FAM149B1: variants seen among roughly 807,000 people sequenced by gnomAD.
The protein encoded by FAM149B1 is family with sequence similarity 149 member B1, also known as primary cilium assembly protein FAM149B1.
FAM149B1 carries 56 observed loss-of-function variants against 75.3 expected under a neutral mutation model. The ratio of observed to expected loss-of-function variants is 0.74; its 90% CI spans 0.60 to 0.93. The LOEUF is 0.93. FAM149B1 is among the 40% of genes least tolerant of loss of function. FAM149B1 has a pLI of 0.00. For synonymous variants in FAM149B1, 259 were observed against 256.1 expected (o/e 1.01, Z -0.11); for missense variants, 639 against 708.4 (o/e 0.90, Z 1.11).
intron 7 of FAM149B1, among the ~76,000 whole-genome samples, chr10:73,215,195 A>G (rs890657887): frequency 2.0e-5 from 3 of 151,808 alleles, no homozygotes; most frequent in African/African-American, 4.8e-5. Context: ...GTATTTTTGT[A>G]TTTTTAGTAG....
chr10:73,232,878 G>A (rs562922322), intron 9 of FAM149B1, 61 bp from the exon 10 acceptor site: 17 of 1,028,042 alleles, frequency 1.7e-5, no homozygotes, highest in African/African-American at 1.3e-4. Flanking sequence ...TACCCCGTTA[G>A]TCTTGTCTTC....
rs551450685 is a variant in FAM149B1, at chr10:73,195,102, TATA to T, written c.542+1513_542+1515del. Among the ~76,000 whole-genome samples, 301 of 152,336 alleles carry T rather than the reference TATA, an allele frequency of 2.0e-3. 3 individuals carry two copies. Among genetic ancestry groups the T allele is most frequent in the African/African-American group, 6.8e-3 (284 of 41,576 alleles). On this transcript the variant is annotated intron_variant, in intron 5 of 13. Coordinates refer to ENST00000242505, the MANE Select transcript of FAM149B1 (RefSeq NM_173348.2). The stretch of plus-strand genomic sequence containing the variant: ...GCCTATACTTAAATCTACTGTAAAA[TATA>T]ATATCATAGTTTTAATTCATTTAAA...
rs766181381 is a variant in FAM149B1 at position 73,228,019 on chromosome 10, G to A, written c.899-41G>A. ...TTCACAATACTGTTGCTGTGGGCCA[G>A]AAGATTATCCATGGATAATATATCC... is the stretch of plus-strand genomic sequence containing the variant. On this transcript the variant is annotated intron_variant, in intron 7 of 13. Transcript: ENST00000242505. 3.9e-6 allele frequency: 6 copies of A among 1,540,272 alleles called. No individual in the cohort carries two copies. In the African/African-American group the frequency reaches 4.1e-5, roughly 11 times the overall value.
At position 73,235,201 on chromosome 10, in the gene FAM149B1, T is replaced by A. The variant is rs150205970; in HGVS notation, c.1485T>A (p.His495Gln). The A allele has an allele frequency of 8.4e-6, 13 of 1,551,682 alleles. No individual in the cohort carries two copies. The highest frequency in any genetic ancestry group is 1.1e-5 in the Non-Finnish European group (13 of 1,146,952). ...TTTTGTCTCCTCTGCAGAAACCCCA[T>A]GGCGACTCTAGTCGAGCTCAAAGTG... ...TVGPQRQMKP[H>Q]GDSSRAQSAV... is the part of the protein sequence containing the mutation. Residue 495 changes from histidine (H) to glutamine (Q), a missense_variant, in exon 12 of 14, where the codon CAT (histidine) becomes CAA (glutamine). Physicochemically the swap from His to Gln is conservative, Grantham distance 24. Coordinates refer to ENST00000242505, the MANE Select transcript of FAM149B1 (RefSeq NM_173348.2).
In FAM149B1 at chr10:73,181,596, T is replaced by C. The variant is rs147798236; in HGVS notation, c.282+3621T>C. Among the ~76,000 whole-genome samples the C allele has an allele frequency of 5.9e-5, 9 of 152,332 alleles. No individual in the cohort carries two copies. The East Asian group carries it at 1.7e-3, about 29-fold the overall frequency. ...TTATTAATTTCTAGTTTTGTTCCAT[T>C]GTGGTCAGAGAAGATGCTTGATATT... On this transcript the variant is annotated intron_variant, in intron 3 of 13. Transcript: ENST00000242505.
chr10:73,199,209 G>GTTC (rs1280368597), intron 5 of FAM149B1, among the ~76,000 whole-genome samples: 3 of 151,434 alleles, frequency 2.0e-5, no homozygotes, highest in Admixed American at 1.3e-4. Context: ...TGTTGTTGTT[G>GTTC]TTGTTGTTGT....
At chr10:73,228,266 T>C in intron 8 of FAM149B1, 82 bp downstream of exon 8, 1 of 1,178,058 alleles carries the variant, frequency 8.5e-7, no homozygotes, top group Non-Finnish European at 1.2e-6. Flanking sequence ...GCCTTACTTG[T>C]ATGATTTCTG....
intron 7 of FAM149B1, among the ~76,000 whole-genome samples, chr10:73,210,908 AC>A (rs2043174125): frequency 6.6e-6 from 1 of 152,158 alleles, no homozygotes; most frequent in Non-Finnish European, 1.5e-5. Flanking sequence ...ACTCTCACAT[AC>A]CACAACATGT....
chr10:73,216,045 G>A (rs959676970), intron 7 of FAM149B1, among the ~76,000 whole-genome samples: 3 of 152,012 alleles, frequency 2.0e-5, no homozygotes, highest in African/African-American at 7.3e-5. Context: ...TCTTTCTTTA[G>A]GTCTAATAAT....
chr10:73,232,856 T>G, intron 9 of FAM149B1, 83 bp from the exon 10 acceptor site: 1 of 819,288 alleles, frequency 1.2e-6, no homozygotes, highest in Non-Finnish European at 2.0e-6. Context: ...TAGTTTCTAG[T>G]CTAAGGCTTT....
chr10:73,228,683 C>T (rs903984889), intron 8 of FAM149B1, among the ~76,000 whole-genome samples: 24 of 152,056 alleles, frequency 1.6e-4, no homozygotes, highest in Admixed American at 3.3e-4. Flanking sequence ...CTGCAACCTC[C>T]GCCTCCCAGG....
intron 7 of FAM149B1, among the ~76,000 whole-genome samples, chr10:73,224,747 C>T (rs1031625084): frequency 7.2e-5 from 11 of 152,158 alleles, no homozygotes; most frequent in Non-Finnish European, 1.6e-4. Context: ...GCTGGGATCA[C>T]AGGTGTGAGC....
intron 5 of FAM149B1, chr10:73,200,844 C>A: frequency 3.9e-6 from 2 of 510,748 alleles, no homozygotes; most frequent in South Asian, 1.5e-5. Flanking sequence ...TTATTTTTCT[C>A]AATACAAGGT....
intron 3 of FAM149B1, among the ~76,000 whole-genome samples, chr10:73,191,791 G>C (rs1213162487): frequency 1.3e-5 from 2 of 152,100 alleles, no homozygotes; most frequent in African/African-American, 4.8e-5. Flanking sequence ...ATCTATCTTT[G>C]AACGGTGGAA....
chr10:73,210,882 C>T (rs560600580), intron 7 of FAM149B1, among the ~76,000 whole-genome samples: 1 of 152,110 alleles, frequency 6.6e-6, no homozygotes, highest in South Asian at 2.1e-4. Context: ...ATGTTTTTCC[C>T]TAAATGTTTT....
Position 73,241,188 on chromosome 10 carries a change from T to C in FAM149B1, c.*169T>C. On this transcript the variant is annotated 3_prime_UTR_variant, in exon 14 of 14. Coordinates refer to ENST00000242505, the MANE Select transcript of FAM149B1 (RefSeq NM_173348.2). ...AACAAAACACCATAGCAGCCAAAAATGACATGAGTGTTGTTTCTATCTCCA... is the reference window on the plus strand; with the variant it reads ...AACAAAACACCATAGCAGCCAAAAACGACATGAGTGTTGTTTCTATCTCCA... The C allele has an allele frequency of 1.7e-6, 1 of 588,130 alleles. No individual in the cohort carries two copies. Among genetic ancestry groups the C allele is most frequent in the Non-Finnish European group, 3.1e-6 (1 of 326,602 alleles). 36.4% of individuals were successfully genotyped at this position (588,130 alleles called of 1,614,324 possible).
Position 73,188,756 on chromosome 10 carries a change from GGGAAGGAAGGAAGGAA to G in FAM149B1, c.283-3759_283-3744del, listed in dbSNP as rs71021548. Among the ~76,000 whole-genome samples, 829 of 129,492 alleles carry G rather than the reference GGGAAGGAAGGAAGGAA, an allele frequency of 6.4e-3. 9 individuals carry two copies. Among genetic ancestry groups the G allele is most frequent in the Middle Eastern group, 0.012 (3 of 260 alleles). The allele number at this position is 129,492 out of a possible 152,430, so 85.0% of individuals were successfully genotyped here. ...AAGAAAAAAAAAAAGGAAGGAAGGA[GGGAAGGAAGGAAGGAA>G]GGAAGGAAGGAAGGAAGGAAGGAAG... is the stretch of plus-strand genomic sequence containing the variant. On this transcript the variant is annotated intron_variant, in intron 3 of 13. Coordinates refer to ENST00000242505, the MANE Select transcript of FAM149B1 (RefSeq NM_173348.2).
rs774172961 is a variant in FAM149B1, at chr10:73,230,457, T to G, written c.1059T>G (p.Asn353Lys). Residue 353 changes from asparagine to lysine, a missense_variant, in exon 9 of 14, where the codon AAT becomes AAG. Transcript: ENST00000242505. ...SLCQASRHQP[N>K]VNDLLVHGMP... ...GTCAAGCAAGCAGACATCAGCCAAA[T>G]GTGAATGATCTCTTGGTTCATGGAA... is the stretch of plus-strand genomic sequence containing the variant. 2.7e-5 allele frequency: 42 copies of G among 1,550,142 alleles called. No homozygotes were observed. In the South Asian group the frequency reaches 5.0e-4, roughly 18 times the overall value.
In FAM149B1 at chr10:73,229,915, G is replaced by C. The variant is rs531543865; in HGVS notation, c.1024-507G>C. On this transcript the variant is annotated intron_variant, in intron 8 of 13. Coordinates refer to ENST00000242505, the MANE Select transcript of FAM149B1 (RefSeq NM_173348.2). ...GAAACATTACATCCTGCTAAAATTA[G>C]AACAGATAAGCTTACCTCCTAGTAC... 2.0e-5 allele frequency among the ~76,000 whole-genome samples: 3 copies of C among 152,260 alleles called. No homozygotes were observed. In the East Asian group the frequency reaches 5.8e-4, roughly 29 times the overall value.
Sources: allele counts gnomAD v4.1 joint callset (sites outside exome capture counted in the v4.1 genomes callset), GRCh38; gene constraint gnomAD v4.1.1; transcripts MANE v1.5; gene names NCBI Gene and HGNC (gene_info 2026-07-23, HGNC 2026-07-21).